PRPF6: variants seen among roughly 807,000 people sequenced by gnomAD.
The protein encoded by PRPF6 is pre-mRNA-processing factor 6.
A neutral mutation model predicts 118.3 loss-of-function variants in PRPF6; 42 were observed. The observed-to-expected ratio is 0.35, with a 90% confidence interval of 0.28 to 0.46. The LOEUF (loss-of-function observed/expected upper bound fraction) is 0.46. Ranked by LOEUF, PRPF6 falls within the 20% of genes least tolerant of loss-of-function variation. The pLI, the probability that PRPF6 is intolerant of heterozygous loss-of-function variation, is 1.00. For synonymous variants in PRPF6, 481 were observed against 485.1 expected (o/e 0.99, Z 0.11); for missense variants, 662 against 1,255.7 (o/e 0.53, Z 7.15).
At chr20:63,984,252 C>G (rs1281742967) in intron 2 of PRPF6, among the ~76,000 whole-genome samples, 8 of 152,010 alleles carry the variant, frequency 5.3e-5, no homozygotes, top group Admixed American at 5.2e-4. Context: ...AACCCCGTCT[C>G]TACTAAAACT....
chr20:63,984,235 A>G (rs1007025937), intron 2 of PRPF6, among the ~76,000 whole-genome samples: 1 of 152,100 alleles, frequency 6.6e-6, no homozygotes, highest in Non-Finnish European at 1.5e-5. Flanking sequence ...CCTGTTTAAC[A>G]TGGTGAAACC....
intron 12 of PRPF6, among the ~76,000 whole-genome samples, chr20:64,022,150 T>G (rs1450672319): frequency 6.6e-6 from 1 of 152,262 alleles, no homozygotes; most frequent in Non-Finnish European, 1.5e-5. Flanking sequence ...TGCCCCTTTT[T>G]CAGTGTTCTT....
At chr20:64,022,724 G>C (rs746451990) in intron 12 of PRPF6, 33 bp from the exon 13 acceptor site, 1 of 1,613,690 alleles carries the variant, frequency 6.2e-7, no homozygotes, top group African/African-American at 1.3e-5. Context: ...GCCAGTGCTG[G>C]GCTGCCCATT....
rs1354745357 is a variant in PRPF6, at chr20:63,989,456, A to T, written c.360-3951A>T. The stretch of plus-strand genomic sequence containing the variant: ...TGTCTCAAAAAGGAAAAAAATAAAA[A>T]GTTCTCATTATAGAATATTAGGAAA... On this transcript the variant is annotated intron_variant, in intron 3 of 20. Transcript: ENST00000266079. Among the ~76,000 whole-genome samples, 3 of 152,310 alleles carry T rather than the reference A, an allele frequency of 2.0e-5. No individual in the cohort carries two copies. In the East Asian group the frequency reaches 5.8e-4, roughly 29 times the overall value.
At chr20:63,989,048 T>C (rs1211085074) in intron 3 of PRPF6, among the ~76,000 whole-genome samples, 3 of 152,032 alleles carry the variant, frequency 2.0e-5, no homozygotes, top group Admixed American at 6.6e-5. Flanking sequence ...AACAGACACA[T>C]AGACCAATGG....
At chr20:64,008,772 T>C (rs1388791375) in intron 9 of PRPF6, among the ~76,000 whole-genome samples, 1 of 152,248 alleles carries the variant, frequency 6.6e-6, no homozygotes, top group African/African-American at 2.4e-5. Context: ...GTTGATTCTC[T>C]AGCATTCTCC....
intron 4 of PRPF6, among the ~76,000 whole-genome samples, chr20:63,993,880 G>A (rs2059129968): frequency 6.6e-6 from 1 of 151,614 alleles, no homozygotes. Context: ...CTCCTAAGTA[G>A]CTGGGATTAC....
chr20:64,022,924 A>G (rs767055161), intron 13 of PRPF6, 46 bp downstream of exon 13: 13 of 1,613,236 alleles, frequency 8.1e-6, no homozygotes, highest in African/African-American at 4.0e-5. Flanking sequence ...TGAAACCTCC[A>G]GCTCCATTTG....
chr20:64,026,474 C>T lies in PRPF6; in HGVS notation c.2028+416C>T, dbSNP rs1253705061. On this transcript the variant is annotated intron_variant, in intron 15 of 20. Coordinates refer to ENST00000266079, the MANE Select transcript of PRPF6 (RefSeq NM_012469.4). The surrounding 1 kb of genome is among the most constrained non-coding windows in gnomAD (Gnocchi z 4.4). Reference sequence around the variant, plus strand: ...TGAGCTGAGATCGCGCCACTGCACTCCAGCCTGGGCAGCAAGAGGGAAACT... The same window carrying T: ...TGAGCTGAGATCGCGCCACTGCACTTCAGCCTGGGCAGCAAGAGGGAAACT... Among the ~76,000 whole-genome samples the T allele has an allele frequency of 1.3e-5, 2 of 151,638 alleles. No homozygotes were observed. Among genetic ancestry groups the T allele is most frequent in the Non-Finnish European group, 2.9e-5 (2 of 67,982 alleles).
intron 9 of PRPF6, among the ~76,000 whole-genome samples, chr20:64,003,533 C>T (rs1569216942): frequency 6.6e-6 from 1 of 152,198 alleles, no homozygotes; most frequent in Non-Finnish European, 1.5e-5. Flanking sequence ...AACGTGCTTT[C>T]CTCTGTCGAG....
Position 64,027,701 on chromosome 20 carries a change from G to C in PRPF6, c.2304G>C (p.Lys768Asn). 1.2e-6 allele frequency: 2 copies of C among 1,614,116 alleles called. No homozygotes were observed. The highest frequency in any genetic ancestry group is 1.1e-5 in the South Asian group (1 of 91,084). The change falls in exon 17 of 21, where the codon AAG becomes AAC. Residue 768 changes from lysine (K) to asparagine (N), a missense_variant. Lys to Asn is a moderately conservative substitution (Grantham distance 94). Coordinates refer to ENST00000266079, the MANE Select transcript of PRPF6 (RefSeq NM_012469.4). The surrounding 1 kb of genome is among the most constrained non-coding windows in gnomAD (Gnocchi z 6.5). ...CTCGAGCACGGGCCATTTTGGAAAA[G>C]TCTCGTCTGAAGAACCCAAAGAACC... ...QLTRARAILE[K>N]SRLKNPKNPG...
In PRPF6 at chr20:64,033,092, G is replaced by A. The variant is rs1227276499; in HGVS notation, c.*99G>A. On this transcript the variant is annotated 3_prime_UTR_variant, in exon 21 of 21. Coordinates refer to ENST00000266079, the MANE Select transcript of PRPF6 (RefSeq NM_012469.4). ...CCTTCATTAAAAGTTTTTATGTCTC[G>A]TGTCAGAACAGGCAGCCTGCTGGTT... The A allele has an allele frequency of 1.2e-5, 19 of 1,544,596 alleles. No individual in the cohort carries two copies. Among genetic ancestry groups the A allele is most frequent in the African/African-American group, 6.8e-5 (5 of 73,614 alleles).
Position 64,029,944 on chromosome 20 carries a change from C to A in PRPF6, c.2546+453C>A, listed in dbSNP as rs1294529832. On this transcript the variant is annotated intron_variant, in intron 19 of 20. Coordinates refer to ENST00000266079, the MANE Select transcript of PRPF6 (RefSeq NM_012469.4). This position sits in a 1 kb window ranked among gnomAD's most constrained non-coding sequence, Gnocchi z 4.8. ...CATGTGATTCACACTGGTGTGCTGGCCGCCGGGTCAGAGACTCACTGGGGA... is the reference window on the plus strand; with the variant it reads ...CATGTGATTCACACTGGTGTGCTGGACGCCGGGTCAGAGACTCACTGGGGA... Among the ~76,000 whole-genome samples, 1 of 147,716 alleles carries A rather than the reference C, an allele frequency of 6.8e-6. No homozygotes were observed.
chr20:63,994,513 C>T (rs2123004410), intron 4 of PRPF6, among the ~76,000 whole-genome samples: 1 of 152,310 alleles, frequency 6.6e-6, no homozygotes. Context: ...GGTACAGTGG[C>T]TCACATCTGT....
chr20:63,995,615 C>CA, intron 6 of PRPF6, 133 bp downstream of exon 6: 10 of 886,174 alleles, frequency 1.1e-5, no homozygotes, highest in Non-Finnish European at 1.5e-5. Flanking sequence ...TCTCCTTCTC[C>CA]TTTTTTTTTT....
intron 3 of PRPF6, among the ~76,000 whole-genome samples, chr20:63,986,420 G>GTTCAACA (rs1392956281): frequency 1.3e-5 from 2 of 151,490 alleles, no homozygotes; most frequent in African/African-American, 4.9e-5. Context: ...TGCAAGGGTG[G>GTTCAACA]TTCAACATAT....
chr20:63,983,296 A>C (rs957075024), intron 2 of PRPF6, 81 bp downstream of exon 2: 4 of 1,561,338 alleles, frequency 2.6e-6, no homozygotes, highest in Non-Finnish European at 3.5e-6. Flanking sequence ...TGGTGTCTGT[A>C]ATGAATGGCT....
rs1408260306 is a variant in PRPF6 at position 64,031,553 on chromosome 20, A to G, written c.2547-365A>G. On this transcript the variant is annotated intron_variant, in intron 19 of 20. Coordinates refer to ENST00000266079, the MANE Select transcript of PRPF6 (RefSeq NM_012469.4). The stretch of plus-strand genomic sequence containing the variant: ...CCGGGTGTGGTGGCGCATGCCTGTA[A>G]TCCCAGCTACTCAGGAGGCTGAGGC... 2.0e-5 allele frequency among the ~76,000 whole-genome samples: 3 copies of G among 151,960 alleles called. No homozygotes were observed. The East Asian group carries it at 5.8e-4, about 30-fold the overall frequency.
Position 63,983,485 on chromosome 20 carries a change from C to T in PRPF6, c.240+270C>T, listed in dbSNP as rs192295298. Among the ~76,000 whole-genome samples, 227 of 133,602 alleles carry T rather than the reference C, an allele frequency of 1.7e-3. 9 individuals are homozygous for T. The highest frequency in any genetic ancestry group is 6.1e-3 in the African/African-American group (212 of 34,558). The allele number at this position is 133,602 out of a possible 152,430, so 87.6% of individuals were successfully genotyped here. A position where few individuals can be genotyped will look rare whatever the true frequency, so the allele number is the denominator to read the frequency against. Reference sequence around the variant, plus strand: ...TGCCCAGTCTTTTTTTTTTTTGAGACGGAATTTCGCTCTTGTCGGAAGAGA... The same window carrying T: ...TGCCCAGTCTTTTTTTTTTTTGAGATGGAATTTCGCTCTTGTCGGAAGAGA... On this transcript the variant is annotated intron_variant, in intron 2 of 20. Coordinates refer to ENST00000266079, the MANE Select transcript of PRPF6 (RefSeq NM_012469.4).
Sources: allele counts gnomAD v4.1 joint callset (sites outside exome capture counted in the v4.1 genomes callset), GRCh38; gene constraint gnomAD v4.1.1; non-coding constraint Gnocchi (gnomAD v3.1); transcripts MANE v1.5; gene names NCBI Gene and HGNC (gene_info 2026-07-23, HGNC 2026-07-21).